Variants in SH3KBP1 observed in about 807,000 individuals in gnomAD.
SH3KBP1 encodes SH3 domain containing kinase binding protein 1, also known as SH3 domain-containing kinase-binding protein 1.
In SH3KBP1, 8 loss-of-function variants were observed where a neutral mutation model predicts 50.1. That is an observed-to-expected ratio of 0.16 (90% CI 0.09 to 0.29). The LOEUF (loss-of-function observed/expected upper bound fraction) is 0.29. Among genes scored for constraint, SH3KBP1 ranks in the 10% least tolerant of loss-of-function variants. SH3KBP1 has a pLI of 1.00. For synonymous variants in SH3KBP1, 227 were observed against 218.6 expected, an observed-to-expected ratio of 1.04 and a Z score of -0.34; for missense variants, 377 against 535.2, an observed-to-expected ratio of 0.70 and a Z score of 2.92.
chrX:19,862,425 C>T (rs764054779), intron 1 of SH3KBP1, among the ~76,000 whole-genome samples: 38 of 112,020 alleles, frequency 3.4e-4, no homozygotes, highest in African/African-American at 1.2e-3. Context: ...TATTTGTAAA[C>T]TGCTAATTTC....
intron 8 of SH3KBP1, among the ~76,000 whole-genome samples, chrX:19,622,368 T>G (rs1447983441): frequency 8.9e-6 from 1 of 112,390 alleles, no homozygotes; most frequent in East Asian, 2.8e-4. Flanking sequence ...TGCACTCCTG[T>G]GAGGAGACTA....
At chrX:19,856,346 GC>G (rs1409780348) in intron 1 of SH3KBP1, among the ~76,000 whole-genome samples, 1 of 111,744 alleles carries the variant, frequency 8.9e-6, no homozygotes, top group African/African-American at 3.3e-5. Context: ...CCCCCAAAAA[GC>G]CCTGCTTTGG....
chrX:19,569,228 G>A, intron 12 of SH3KBP1, 40 bp from the exon 13 acceptor site: 1 of 1,074,777 alleles, frequency 9.3e-7, no homozygotes, highest in Non-Finnish European at 1.3e-6. Context: ...AATAATTGGT[G>A]TGTGTCCTTG....
At chrX:19,800,295 AAT>A (rs2066856347) in intron 2 of SH3KBP1, among the ~76,000 whole-genome samples, 1 of 112,443 alleles carries the variant, frequency 8.9e-6, no homozygotes, top group Non-Finnish European at 1.9e-5. Flanking sequence ...ACATATAAGT[AAT>A]AAAGTAAAAT....
At chrX:19,838,422 A>C (rs1384444794) in intron 1 of SH3KBP1, among the ~76,000 whole-genome samples, 1 of 111,938 alleles carries the variant, frequency 8.9e-6, no homozygotes, top group African/African-American at 3.2e-5. Context: ...ATATGGTTTG[A>C]CTGTGTCCCC....
At chrX:19,757,330 C>T (rs1198732154) in intron 2 of SH3KBP1, among the ~76,000 whole-genome samples, 3 of 109,851 alleles carry the variant, frequency 2.7e-5, no homozygotes, top group African/African-American at 1.0e-4. Flanking sequence ...ATTTTACCCA[C>T]AAGGAAATTC....
intron 2 of SH3KBP1, among the ~76,000 whole-genome samples, chrX:19,757,708 G>C (rs2065254290): frequency 9.0e-6 from 1 of 110,751 alleles, no homozygotes; most frequent in African/African-American, 3.3e-5. Context: ...ATCATCTTCA[G>C]AGAAAGGCAT....
At chrX:19,620,750 TA>T (rs761293321) in intron 8 of SH3KBP1, among the ~76,000 whole-genome samples, 11 of 112,433 alleles carry the variant, frequency 9.8e-5, no homozygotes, top group Non-Finnish European at 1.9e-4. Context: ...GGCAATTACT[TA>T]CTGAACACTG....
chrX:19,688,603 C>G (rs891408390), intron 5 of SH3KBP1, among the ~76,000 whole-genome samples: 3 of 110,241 alleles, frequency 2.7e-5, no homozygotes, highest in African/African-American at 9.9e-5. Context: ...GTACTCCAAC[C>G]CATCCTCCCA....
At chrX:19,692,663 G>GTA (rs1569422849) in intron 5 of SH3KBP1, among the ~76,000 whole-genome samples, 4 of 74,881 alleles carry the variant, frequency 5.3e-5, no homozygotes, top group African/African-American at 2.7e-4. Context: ...GTGTGTGTGT[G>GTA]TGTGTGTATG....
intron 4 of SH3KBP1, among the ~76,000 whole-genome samples, chrX:19,697,775 G>C (rs1434512194): frequency 8.9e-6 from 1 of 111,849 alleles, no homozygotes; most frequent in Non-Finnish European, 1.9e-5. Flanking sequence ...CCATACTTAG[G>C]GGACAGGTGT....
intron 1 of SH3KBP1, among the ~76,000 whole-genome samples, chrX:19,880,194 T>A (rs1309990505): frequency 8.8e-6 from 1 of 113,077 alleles, no homozygotes; most frequent in Non-Finnish European, 1.9e-5. Flanking sequence ...ATCACCCTTC[T>A]CACCCACTAC....
chrX:19,701,856 T>C (rs1020118790), intron 4 of SH3KBP1, among the ~76,000 whole-genome samples: 18 of 112,184 alleles, frequency 1.6e-4, no homozygotes, highest in African/African-American at 5.5e-4. Context: ...ATTTGATAAA[T>C]CCCACAGCTA....
intron 4 of SH3KBP1, among the ~76,000 whole-genome samples, chrX:19,700,795 T>C (rs1386543828): frequency 8.9e-6 from 1 of 111,942 alleles, no homozygotes; most frequent in African/African-American, 3.2e-5. Flanking sequence ...AGGTCCTAAA[T>C]GGCTGGACCA....
chrX:19,627,996 A>C (rs942626228), intron 8 of SH3KBP1, among the ~76,000 whole-genome samples: 3 of 112,545 alleles, frequency 2.7e-5, no homozygotes, highest in African/African-American at 9.7e-5. Flanking sequence ...TAATAGCAAT[A>C]GTATACAATC....
At chrX:19,605,014 G>A (rs1269659665) in intron 9 of SH3KBP1, among the ~76,000 whole-genome samples, 1 of 111,310 alleles carries the variant, frequency 9.0e-6, no homozygotes, top group African/African-American at 3.3e-5. Flanking sequence ...GCCCCAGAGA[G>A]CGTGCATGTC....
At chrX:19,578,022 ACT>A (rs1330553191) in intron 12 of SH3KBP1, among the ~76,000 whole-genome samples, 4 of 111,989 alleles carry the variant, frequency 3.6e-5, no homozygotes, top group Non-Finnish European at 7.5e-5. Context: ...TTAGGAAACC[ACT>A]GAGGCACACA....
intron 7 of SH3KBP1, among the ~76,000 whole-genome samples, chrX:19,634,821 T>G (rs1279566843): frequency 9.0e-6 from 1 of 111,646 alleles, no homozygotes; most frequent in Non-Finnish European, 1.9e-5. Context: ...CTGGTTAACT[T>G]CAGCAGGACA....
intron 1 of SH3KBP1, among the ~76,000 whole-genome samples, chrX:19,872,494 G>A (rs188495134): frequency 4.6e-5 from 5 of 109,867 alleles, no homozygotes; most frequent in African/African-American, 1.3e-4. Context: ...AGTTGGGGCC[G>A]GGTGCGGTAG....
Sources: gnomAD v4.1 joint callset for allele counts (sites outside exome capture counted in the v4.1 genomes callset) on GRCh38, gnomAD v4.1.1 for gene constraint, MANE v1.5 for transcripts, NCBI Gene and HGNC (gene_info 2026-07-23, HGNC 2026-07-21) for gene names.